The following TSPEAR variants were observed in gnomAD, a reference collection of about 807,000 sequenced individuals.
TSPEAR encodes thrombospondin-type laminin G domain and EAR repeat-containing protein.
In TSPEAR, 69 loss-of-function variants were observed where a neutral mutation model predicts 71.6. The ratio of observed to expected loss-of-function variants is 0.96; its 90% CI spans 0.79 to 1.18. The LOEUF (loss-of-function observed/expected upper bound fraction) is 1.18. Among genes scored for constraint, TSPEAR ranks in the 50% most tolerant of loss-of-function variants. The pLI is 0.00. For missense variants in TSPEAR, 971 were observed against 894.9 expected (o/e 1.09, Z -1.09); for synonymous variants, 402 against 387.2 (o/e 1.04, Z -0.45).
intron 1 of TSPEAR, among the ~76,000 whole-genome samples, chr21:44,631,009 T>C (rs1555935600): frequency 2.6e-5 from 4 of 152,020 alleles, no homozygotes; most frequent in Non-Finnish European, 4.4e-5. Context: ...ATATTCCAAA[T>C]GTCCAGTTTT....
rs1978343472 is a variant in TSPEAR at position 44,575,080 on chromosome 21, G to T, written c.83-7075C>A. The T allele has an allele frequency of 2.1e-6, 3 of 1,453,778 alleles. No individual in the cohort carries two copies. In the African/African-American group the frequency reaches 4.2e-5, roughly 21 times the overall value. The allele number at this position is 1,453,778 out of a possible 1,614,324, so 90.1% of individuals were successfully genotyped here. ...CTCAGGTCCCACCTGAAAGCTGATA[G>T]TCGCGTCCTGAATTGCTCCTGCACT... On this transcript the variant is annotated intron_variant, in intron 1 of 11. Transcript: ENST00000323084.
chr21:44,699,069 G>A (rs782700472), intron 1 of TSPEAR, among the ~76,000 whole-genome samples: 8 of 152,088 alleles, frequency 5.3e-5, no homozygotes, highest in Non-Finnish European at 1.2e-4. Flanking sequence ...ATCATGGCAC[G>A]CGCCTGTGGT....
intron 1 of TSPEAR, among the ~76,000 whole-genome samples, chr21:44,683,879 T>C (rs1217286626): frequency 1.3e-5 from 2 of 152,022 alleles, no homozygotes; most frequent in African/African-American, 4.8e-5. Context: ...CTCAGTAGAG[T>C]AATTGAAGCT....
At chr21:44,646,590 C>T (rs1984393737) in intron 1 of TSPEAR, 2 of 1,612,574 alleles carry the variant, frequency 1.2e-6, no homozygotes, top group Non-Finnish European at 1.7e-6. Flanking sequence ...CCTCCCTGAG[C>T]CTGGTCTGCA....
chr21:44,587,962 A>AG (rs1165745754), intron 1 of TSPEAR, among the ~76,000 whole-genome samples: 2 of 152,242 alleles, frequency 1.3e-5, no homozygotes, highest in Non-Finnish European at 2.9e-5. Flanking sequence ...ATATTGGCTT[A>AG]GGCAAGGATT....
chr21:44,633,957 A>G (rs1555936166), intron 1 of TSPEAR, among the ~76,000 whole-genome samples: 1 of 151,378 alleles, frequency 6.6e-6, no homozygotes. Flanking sequence ...TGTTAGGTAC[A>G]CAAATGCTAT....
intron 1 of TSPEAR, among the ~76,000 whole-genome samples, chr21:44,630,747 C>T (rs1983210623): frequency 6.6e-6 from 1 of 152,134 alleles, no homozygotes; most frequent in Non-Finnish European, 1.5e-5. Context: ...TGTGGACCAA[C>T]ACACAGAGTC....
At chr21:44,533,586 C>A (rs2053019964) in intron 3 of TSPEAR, 99 bp downstream of exon 3, 1 of 1,024,308 alleles carries the variant, frequency 9.8e-7, no homozygotes, top group South Asian at 1.5e-5. Flanking sequence ...TGCCCCAGGA[C>A]AGCTCCTGCA....
chr21:44,626,389 G>T (rs1157245853), intron 1 of TSPEAR, among the ~76,000 whole-genome samples: 8 of 152,236 alleles, frequency 5.3e-5, no homozygotes, highest in African/African-American at 1.9e-4. Flanking sequence ...GTGAGAAAAA[G>T]ATGCTTGCAG....
intron 2 of TSPEAR, among the ~76,000 whole-genome samples, chr21:44,551,892 G>A (rs1453990741): frequency 7.9e-5 from 12 of 152,300 alleles, no homozygotes; most frequent in African/African-American, 2.9e-4. Flanking sequence ...GGGTGGGCTG[G>A]CGTGGCTGTG....
In TSPEAR at chr21:44,506,491, C is replaced by G. The variant is rs1481906706; in HGVS notation, c.1755-1610G>C. On this transcript the variant is annotated intron_variant, in intron 10 of 11. Transcript: ENST00000323084. The surrounding 1 kb of genome is among the most constrained non-coding windows in gnomAD (Gnocchi z 4.2). Reference sequence around the variant, plus strand: ...GGCCGGCCTGCAGCAGGGGCTCAGACAGGGCCTTGGGAGAGGGAGGGATCA... The same window carrying G: ...GGCCGGCCTGCAGCAGGGGCTCAGAGAGGGCCTTGGGAGAGGGAGGGATCA... Among the ~76,000 whole-genome samples, 3 of 152,230 alleles carry G rather than the reference C, an allele frequency of 2.0e-5. No individual in the cohort carries two copies. Among genetic ancestry groups the G allele is most frequent in the Non-Finnish European group, 2.9e-5 (2 of 68,036 alleles).
chr21:44,710,917 C>T lies in TSPEAR; in HGVS notation c.82+516G>A, dbSNP rs781948821. ...ACGCCCCAAAGAACCGAGCCCTTCA[C>T]TCCAGAGGTGGTTGTGTTTGGGGCT... On this transcript the variant is annotated intron_variant, in intron 1 of 11. Transcript: ENST00000323084. This position sits in a 1 kb window ranked among gnomAD's most constrained non-coding sequence, Gnocchi z 4.6. 6.6e-6 allele frequency among the ~76,000 whole-genome samples: 1 copy of T among 152,242 alleles called. No individual in the cohort carries two copies. Among genetic ancestry groups the T allele is most frequent in the Non-Finnish European group, 1.5e-5 (1 of 68,050 alleles).
intron 2 of TSPEAR, among the ~76,000 whole-genome samples, chr21:44,536,889 TTA>T (rs1229225992): frequency 7.2e-5 from 11 of 152,150 alleles, no homozygotes; most frequent in African/African-American, 1.9e-4. Flanking sequence ...TGTAAAAAAT[TTA>T]TATAGACATA....
intron 1 of TSPEAR, chr21:44,600,949 T>C: frequency 6.2e-7 from 1 of 1,612,360 alleles, no homozygotes; most frequent in Non-Finnish European, 8.5e-7. Context: ...GCAGGCCTGC[T>C]GCGTGCCCGT....
At chr21:44,580,343 C>T (rs1555924878) in intron 1 of TSPEAR, 3 of 1,613,978 alleles carry the variant, frequency 1.9e-6, no homozygotes, top group Admixed American at 1.7e-5. Flanking sequence ...GGAGGAGGCG[C>T]AGCAAGCCGG....
intron 1 of TSPEAR, among the ~76,000 whole-genome samples, chr21:44,622,968 T>C (rs1555933750): frequency 6.6e-6 from 1 of 151,998 alleles, no homozygotes; most frequent in Non-Finnish European, 1.5e-5. Context: ...GCACCTCCCA[T>C]CCCCCACTCT....
chr21:44,556,819 G>A (rs909419434), intron 2 of TSPEAR, among the ~76,000 whole-genome samples: 1 of 152,120 alleles, frequency 6.6e-6, no homozygotes, highest in African/African-American at 2.4e-5. Context: ...ACAGGAAACT[G>A]GAAAAGGAAT....
chr21:44,575,019 A>T, intron 1 of TSPEAR: 1 of 1,595,022 alleles, frequency 6.3e-7, no homozygotes, highest in Non-Finnish European at 8.5e-7. Context: ...TCAGAAGCCC[A>T]GCTGCTGATG....
At chr21:44,552,742 CAACAGCCCCT>C (rs1555919261) in intron 2 of TSPEAR, among the ~76,000 whole-genome samples, 1 of 152,222 alleles carries the variant, frequency 6.6e-6, no homozygotes, top group Non-Finnish European at 1.5e-5. Flanking sequence ...TCACAGCCCC[CAACAGCCCCT>C]CCCTGCACAC....
Sources: gnomAD v4.1 joint callset for allele counts (sites outside exome capture counted in the v4.1 genomes callset) on GRCh38, gnomAD v4.1.1 for gene constraint, Gnocchi (gnomAD v3.1) non-coding constraint, MANE v1.5 for transcripts, NCBI Gene and HGNC (gene_info 2026-07-23, HGNC 2026-07-21) for gene names.